The following DOCK5 variants were observed in gnomAD, a reference collection of about 807,000 sequenced individuals.
The protein encoded by DOCK5 is dedicator of cytokinesis 5, also known as dedicator of cytokinesis protein 5.
Under a neutral mutation model 251.8 loss-of-function variants are expected in DOCK5, and 142 were observed. That is an observed-to-expected ratio of 0.56 (90% CI 0.49 to 0.65). DOCK5 has a LOEUF of 0.65. DOCK5 is among the 30% of genes least tolerant of loss of function. DOCK5 has a pLI of 0.00. For synonymous variants in DOCK5, 842 were observed against 835.5 expected, an observed-to-expected ratio of 1.01 and a Z score of -0.13; for missense variants, 2,111 against 2,312.3, an observed-to-expected ratio of 0.91 and a Z score of 1.79.
At chr8:25,317,613 G>A (rs1805290504) in intron 14 of DOCK5, among the ~76,000 whole-genome samples, 1 of 152,084 alleles carries the variant, frequency 6.6e-6, no homozygotes, top group South Asian at 2.1e-4. Flanking sequence ...TAGTTTGTTT[G>A]TTTGTTTGTT....
intron 30 of DOCK5, 69 bp from the exon 31 acceptor site, chr8:25,366,801 T>C (rs1800783844): frequency 8.6e-7 from 1 of 1,167,212 alleles, no homozygotes; most frequent in East Asian, 2.4e-5. Context: ...CCATGTGACA[T>C]TGTTTTATTA....
intron 8 of DOCK5, 39 bp downstream of exon 8, chr8:25,299,140 A>C: frequency 6.2e-7 from 1 of 1,600,858 alleles, no homozygotes; most frequent in Non-Finnish European, 8.5e-7. Flanking sequence ...GACCTAACAA[A>C]GATACCCAGC....
chr8:25,271,917 T>C (rs1238715425), intron 3 of DOCK5, among the ~76,000 whole-genome samples: 3 of 152,204 alleles, frequency 2.0e-5, no homozygotes, highest in South Asian at 2.1e-4. Context: ...CCAAGTGTCA[T>C]CATGGAAAGG....
At position 25,308,881 on chromosome 8, in the gene DOCK5, T is replaced by C. The variant is rs746217966; in HGVS notation, c.1148T>C (p.Leu383Ser). 6.2e-7 allele frequency: 1 copy of C among 1,613,848 alleles called. No homozygotes were observed. The highest frequency in any genetic ancestry group is 8.5e-7 in the Non-Finnish European group (1 of 1,179,776). ...GAGAATGAGCCACTCACTTCAGTCT[T>C]GAATAAAGTGATTGCAGCAAAGGAA... ...IGENEPLTSVLNKVIAAKEVN... is the reference protein window; with the variant it reads ...IGENEPLTSVSNKVIAAKEVN... The change falls in exon 12 of 52, where the codon TTG (leucine) becomes TCG (serine). Residue 383 changes from leucine to serine, a missense_variant. Leu to Ser is a moderately radical substitution (Grantham distance 145). Around this residue, in one of 3 missense-constraint regions of DOCK5, gnomAD observed 1,717 missense variants for 1,892.4 expected, o/e 0.91. Coordinates refer to ENST00000276440, the MANE Select transcript of DOCK5 (RefSeq NM_024940.8).
At position 25,302,194 on chromosome 8, in the gene DOCK5, G is replaced by T. The variant is rs1190684825; in HGVS notation, c.847-131G>T. On this transcript the variant is annotated intron_variant, in intron 9 of 51. Transcript: ENST00000276440. ...TTGGATGGAGATGGGGGAGAAGAGA[G>T]TCGTTCTAATACTTCAGCATTGAGA... 1.0e-5 allele frequency: 13 copies of T among 1,273,588 alleles called. No homozygotes were observed. In the South Asian group the frequency reaches 2.5e-4, roughly 25 times the overall value. 78.9% of individuals were successfully genotyped at this position (1,273,588 alleles called of 1,614,324 possible).
At position 25,404,529 on chromosome 8, in the gene DOCK5, C is replaced by T. The variant is rs74682384; in HGVS notation, c.5093+805C>T. Among the ~76,000 whole-genome samples the T allele has an allele frequency of 8.7e-3, 1,329 of 152,226 alleles. 22 individuals carry two copies. Among genetic ancestry groups the T allele is most frequent in the African/African-American group, 0.03 (1,242 of 41,534 alleles). ...TGTTCCAGTAAGCATTTCCTTTGAG[C>T]GTCATGTCAGCATTCAAATATTTCA... On this transcript the variant is annotated intron_variant, in intron 48 of 51. Transcript: ENST00000276440.
chr8:25,365,070 C>T (rs1289213015), intron 30 of DOCK5, among the ~76,000 whole-genome samples: 1 of 152,226 alleles, frequency 6.6e-6, no homozygotes, highest in Non-Finnish European at 1.5e-5. Flanking sequence ...AACTCTCCTA[C>T]CGACAAATGA....
At chr8:25,300,242 T>G (rs1379210702) in intron 8 of DOCK5, among the ~76,000 whole-genome samples, 2 of 152,208 alleles carry the variant, frequency 1.3e-5, no homozygotes, top group African/African-American at 4.8e-5. Context: ...GCTGAAACTT[T>G]TATTCAAAGA....
chr8:25,265,830 A>G (rs1803731038), intron 2 of DOCK5, among the ~76,000 whole-genome samples: 1 of 151,898 alleles, frequency 6.6e-6, no homozygotes, highest in Admixed American at 6.5e-5. Flanking sequence ...GTCCTGACTG[A>G]TGGAGATTAC....
chr8:25,187,272 C>T (rs1193922225), intron 1 of DOCK5, among the ~76,000 whole-genome samples: 1 of 145,130 alleles, frequency 6.9e-6, no homozygotes, highest in East Asian at 2.0e-4. Flanking sequence ...TATACACACA[C>T]ATATATGTAT....
rs751959367 is a variant in DOCK5, at chr8:25,292,157, T to A, written c.455T>A (p.Ile152Asn). Residue 152 changes from isoleucine (I) to asparagine (N), a missense_variant, in exon 6 of 52, where the codon ATT becomes AAT. By Grantham distance (149) the Ile-to-Asn change is moderately radical (BLOSUM62 -3). Transcript: ENST00000276440. ...AELKKKVTAK[I>N]DHGNRMLGLD... ...CTCAAGAAGAAAGTCACAGCCAAAA[T>A]TGATCATGGGAACAGGTAGGTAAAC... The A allele has an allele frequency of 6.3e-7, 1 of 1,579,024 alleles. No homozygotes were observed. Among genetic ancestry groups the A allele is most frequent in the South Asian group, 1.2e-5 (1 of 85,550 alleles).
At chr8:25,346,298 T>C (rs1432389819) in intron 26 of DOCK5, among the ~76,000 whole-genome samples, 1 of 151,628 alleles carries the variant, frequency 6.6e-6, no homozygotes, top group Non-Finnish European at 1.5e-5. Context: ...AGACTTTGTC[T>C]CTCTAAAAAA....
At chr8:25,284,511 C>T (rs528109328) in intron 5 of DOCK5, among the ~76,000 whole-genome samples, 76 of 152,304 alleles carry the variant, frequency 5.0e-4, no homozygotes, top group African/African-American at 1.3e-3. Context: ...CCTCCAGCCC[C>T]GTAGTAACTT....
intron 1 of DOCK5, among the ~76,000 whole-genome samples, chr8:25,208,683 T>C (rs1356311751): frequency 6.6e-6 from 1 of 152,230 alleles, no homozygotes; most frequent in Non-Finnish European, 1.5e-5. Flanking sequence ...ATAACTTTTA[T>C]AGGCACAGGG....
At chr8:25,269,337 A>G (rs1184851563) in intron 3 of DOCK5, among the ~76,000 whole-genome samples, 1 of 152,226 alleles carries the variant, frequency 6.6e-6, no homozygotes, top group Non-Finnish European at 1.5e-5. Flanking sequence ...TGAGCCTCAC[A>G]TCCCAATAAT....
At chr8:25,302,270 C>G in intron 9 of DOCK5, 55 bp from the exon 10 acceptor site, 1 of 1,523,648 alleles carries the variant, frequency 6.6e-7, no homozygotes, top group Admixed American at 2.2e-5. Flanking sequence ...AAAAGAGACA[C>G]AGGTGACACA....
chr8:25,298,405 A>G (rs1804673114), intron 7 of DOCK5, among the ~76,000 whole-genome samples: 1 of 152,180 alleles, frequency 6.6e-6, no homozygotes, highest in South Asian at 2.1e-4. Context: ...GAGCTACCAA[A>G]ACCCTGGAAT....
intron 38 of DOCK5, 135 bp downstream of exon 38, chr8:25,377,559 C>A: frequency 1.7e-6 from 2 of 1,173,202 alleles, no homozygotes; most frequent in African/African-American, 1.5e-5. Flanking sequence ...GAGACTGCCC[C>A]CGCTTCAGAT....
At position 25,184,779 on chromosome 8, in the gene DOCK5, G is replaced by T. The variant is rs1434016188; in HGVS notation, c.-130G>T. ...GCGGCGCGGCGAGGAGGCGGCCCGCGGAGTCCAGCGAAGTTTGGCGGAACA... is the reference window on the plus strand; with the variant it reads ...GCGGCGCGGCGAGGAGGCGGCCCGCTGAGTCCAGCGAAGTTTGGCGGAACA... On this transcript the variant is annotated 5_prime_UTR_variant, in exon 1 of 52. Coordinates refer to ENST00000276440, the MANE Select transcript of DOCK5 (RefSeq NM_024940.8). The T allele has an allele frequency of 1.9e-5, 16 of 861,908 alleles. No individual in the cohort carries two copies. In the Admixed American group the frequency reaches 6.8e-4, roughly 37 times the overall value. The allele number at this position is 861,908 out of a possible 1,614,324, so 53.4% of individuals were successfully genotyped here.
Sources: allele counts gnomAD v4.1 joint callset (sites outside exome capture counted in the v4.1 genomes callset), GRCh38; gene constraint gnomAD v4.1.1; regional missense constraint gnomAD v4.1.1; transcripts MANE v1.5; gene names NCBI Gene and HGNC (gene_info 2026-07-23, HGNC 2026-07-21).